ANKFN1: variants seen among roughly 807,000 people sequenced by gnomAD.
The protein encoded by ANKFN1 is ankyrin repeat and fibronectin type-III domain-containing protein 1.
Under a neutral mutation model 108.7 loss-of-function variants are expected in ANKFN1, and 74 were observed. That is an observed-to-expected ratio of 0.68 (90% CI 0.56 to 0.83). The LOEUF is 0.83. Ranked by LOEUF, ANKFN1 falls within the 40% of genes least tolerant of loss-of-function variation. ANKFN1 has a pLI of 0.00. For synonymous variants in ANKFN1, 547 were observed against 516.2 expected (o/e 1.06, Z -0.81); for missense variants, 1,505 against 1,382.3 (o/e 1.09, Z -1.41).
At chr17:56,204,521 A>G (rs1914351024) in intron 1 of ANKFN1, among the ~76,000 whole-genome samples, 1 of 150,886 alleles carries the variant, frequency 6.6e-6, no homozygotes. Context: ...TTGTGTTTTT[A>G]GTAGAGCTGG....
chr17:56,274,244 C>A (rs1403503193), intron 3 of ANKFN1, among the ~76,000 whole-genome samples: 1 of 152,096 alleles, frequency 6.6e-6, no homozygotes, highest in African/African-American at 2.4e-5. Context: ...GAGGCCGAGG[C>A]AGGCGGATCA....
In ANKFN1 at chr17:56,488,056, C is replaced by T. The variant is rs146182147; in HGVS notation, c.2261-4131C>T. Among the ~76,000 whole-genome samples, 286 of 152,070 alleles carry T rather than the reference C, an allele frequency of 1.9e-3. 4 individuals carry two copies. The East Asian group carries it at 0.046, about 24-fold the overall frequency. On this transcript the variant is annotated intron_variant, in intron 18 of 20. Coordinates refer to ENST00000682825, the MANE Select transcript of ANKFN1 (RefSeq NM_001370326.1). ...ACACTAAGAGGGTATGACTTTATCC[C>T]GTAGGCAATAGGAAGCAAAGAAAAG...
At chr17:56,197,647 T>G (rs1156577047) in intron 1 of ANKFN1, among the ~76,000 whole-genome samples, 2 of 152,214 alleles carry the variant, frequency 1.3e-5, no homozygotes, top group Non-Finnish European at 2.9e-5. Flanking sequence ...CTGCAGGAAC[T>G]CTCTCCTCAG....
intron 3 of ANKFN1, among the ~76,000 whole-genome samples, chr17:56,284,191 A>T (rs1247622681): frequency 1.3e-5 from 2 of 152,232 alleles, no homozygotes; most frequent in Non-Finnish European, 2.9e-5. Flanking sequence ...CTTAAAGCCC[A>T]CTATAGGCTC....
chr17:56,250,701 C>G (rs1462045541), intron 3 of ANKFN1, among the ~76,000 whole-genome samples: 1 of 152,060 alleles, frequency 6.6e-6, no homozygotes, highest in Non-Finnish European at 1.5e-5. Flanking sequence ...GGTGTTCAGC[C>G]CAAGGTTTCC....
intron 8 of ANKFN1, among the ~76,000 whole-genome samples, chr17:56,432,924 A>G (rs558197970): frequency 3.3e-5 from 5 of 152,224 alleles, no homozygotes; most frequent in African/African-American, 1.2e-4. Flanking sequence ...TGCTTGAGCA[A>G]TCATCTAGCA....
At chr17:56,201,156 T>C (rs371466987) in intron 1 of ANKFN1, among the ~76,000 whole-genome samples, 2 of 152,296 alleles carry the variant, frequency 1.3e-5, no homozygotes, top group East Asian at 1.9e-4. Context: ...TAATATAAAA[T>C]GAACAGCCTT....
At chr17:56,274,168 CTT>C (rs2043858271) in intron 3 of ANKFN1, among the ~76,000 whole-genome samples, 1 of 152,174 alleles carries the variant, frequency 6.6e-6, no homozygotes, top group Non-Finnish European at 1.5e-5. Flanking sequence ...ATCTGGGACT[CTT>C]TGACAAGGGA....
chr17:56,061,425 C>T (rs1904974858), intron 4 of ANKFN1, among the ~76,000 whole-genome samples: 1 of 151,820 alleles, frequency 6.6e-6, no homozygotes. Context: ...GTGCCTGCCA[C>T]CATGCCCAGC....
chr17:56,307,158 T>C (rs1326149992), intron 3 of ANKFN1, among the ~76,000 whole-genome samples: 3 of 152,186 alleles, frequency 2.0e-5, no homozygotes, highest in South Asian at 4.1e-4. Context: ...ATTCAGGACA[T>C]AGGCATGGGC....
intron 4 of ANKFN1, among the ~76,000 whole-genome samples, chr17:56,101,380 A>G (rs1210151128): frequency 6.6e-6 from 1 of 152,226 alleles, no homozygotes; most frequent in African/African-American, 2.4e-5. Flanking sequence ...ACATACTGCC[A>G]AACTTCCCTC....
At chr17:56,173,202 C>T (rs1360068996) in intron 1 of ANKFN1, among the ~76,000 whole-genome samples, 2 of 152,202 alleles carry the variant, frequency 1.3e-5, no homozygotes, top group Non-Finnish European at 2.9e-5. Flanking sequence ...GCTCCTGGCT[C>T]CCCTCTCTGG....
At chr17:56,170,799 TATATATATAC>T (rs1263624278) in intron 1 of ANKFN1, among the ~76,000 whole-genome samples, 641 of 62,810 alleles carry the variant, frequency 0.01, 11 homozygotes, top group African/African-American at 0.028. Flanking sequence ...TATATATATA[TATATATATAC>T]ACACACACAC....
intron 8 of ANKFN1, among the ~76,000 whole-genome samples, chr17:56,418,001 G>A (rs1341674765): frequency 6.6e-6 from 1 of 152,110 alleles, no homozygotes; most frequent in African/African-American, 2.4e-5. Flanking sequence ...TCAGGGGCAG[G>A]GAATCTAATT....
rs761558911 is a variant in ANKFN1, at chr17:56,480,758, C to T, written c.2031C>T (p.Phe677=). 5.0e-6 allele frequency: 8 copies of T among 1,614,080 alleles called. No individual in the cohort carries two copies. The Admixed American group carries it at 8.3e-5, about 17-fold the overall frequency. ...HTSDCPMQLF[F]YELQMAVKAL... ...CTGACTGCCCCATGCAATTGTTCTT[C>T]TACGAGCTCCAGATGGCAGTGAAAG... Residue 677 remains phenylalanine, a synonymous_variant, in exon 17 of 21, where the codon TTC becomes TTT. Coordinates refer to ENST00000682825, the MANE Select transcript of ANKFN1 (RefSeq NM_001370326.1).
intron 3 of ANKFN1, among the ~76,000 whole-genome samples, chr17:56,236,534 T>C (rs1297029825): frequency 6.6e-6 from 1 of 152,168 alleles, no homozygotes; most frequent in African/African-American, 2.4e-5. Flanking sequence ...TTTTTGAACA[T>C]AATTTTGTAT....
chr17:56,441,268 A>C (rs2145163817), intron 9 of ANKFN1, among the ~76,000 whole-genome samples: 1 of 152,230 alleles, frequency 6.6e-6, no homozygotes, highest in Non-Finnish European at 1.5e-5. Context: ...GTAGAGGGAT[A>C]ATTTTGTTAT....
intron 19 of ANKFN1, among the ~76,000 whole-genome samples, chr17:56,496,535 T>C (rs2145435517): frequency 6.6e-6 from 1 of 152,240 alleles, no homozygotes; most frequent in South Asian, 2.1e-4. Context: ...TTCTGATGGC[T>C]GTTAGCATTC....
chr17:56,480,570 A>G (rs1598694079), intron 16 of ANKFN1, 98 bp from the exon 17 acceptor site: 1 of 1,283,524 alleles, frequency 7.8e-7, no homozygotes, highest in East Asian at 2.3e-5. Flanking sequence ...ACCACCAAGC[A>G]TTGGTTATCC....
Sources: gnomAD v4.1 joint callset for allele counts (sites outside exome capture counted in the v4.1 genomes callset) on GRCh38, gnomAD v4.1.1 for gene constraint, MANE v1.5 for transcripts, NCBI Gene and HGNC (gene_info 2026-07-23, HGNC 2026-07-21) for gene names.